The following RGS7BP variants were observed in gnomAD, a reference collection of about 807,000 sequenced individuals.
The protein encoded by RGS7BP is regulator of G protein signaling 7-binding protein.
RGS7BP carries 9 observed loss-of-function variants against 31.3 expected under a neutral mutation model. The observed-to-expected ratio is 0.29, with a 90% CI of 0.17 to 0.50. The LOEUF (loss-of-function observed/expected upper bound fraction) is 0.50. Ranked by LOEUF, RGS7BP falls within the 20% of genes least tolerant of loss-of-function variation. The pLI is 0.98. For missense variants in RGS7BP, 274 were observed against 322.0 expected (o/e 0.85, Z 1.14); for synonymous variants, 115 against 120.1 (o/e 0.96, Z 0.28).
chr5:64,596,974 G>T (rs1743086522), intron 4 of RGS7BP, among the ~76,000 whole-genome samples: 1 of 152,074 alleles, frequency 6.6e-6, no homozygotes, highest in South Asian at 2.1e-4. Flanking sequence ...AAAATAAGTG[G>T]ATAGAATTTC....
intron 4 of RGS7BP, among the ~76,000 whole-genome samples, chr5:64,597,643 AC>A (rs1743109483): frequency 6.6e-6 from 1 of 151,780 alleles, no homozygotes; most frequent in East Asian, 2.0e-4. Flanking sequence ...CTTCAATGAA[AC>A]AACTCAGAAA....
chr5:64,514,528 G>C (rs529203502), intron 2 of RGS7BP, among the ~76,000 whole-genome samples: 2 of 152,276 alleles, frequency 1.3e-5, no homozygotes, highest in East Asian at 1.9e-4. Flanking sequence ...ACTCATGTAA[G>C]GGTAGAGTTT....
chr5:64,517,941 CA>C (rs1410366610), intron 2 of RGS7BP, among the ~76,000 whole-genome samples: 1 of 151,790 alleles, frequency 6.6e-6, no homozygotes, highest in African/African-American at 2.4e-5. Context: ...GTAAATAAAC[CA>C]AAGAAAAAAT....
intron 2 of RGS7BP, among the ~76,000 whole-genome samples, chr5:64,568,663 C>T (rs1287427207): frequency 6.6e-6 from 1 of 151,944 alleles, no homozygotes; most frequent in Non-Finnish European, 1.5e-5. Flanking sequence ...CCCAACTTTC[C>T]CCAGTATTGC....
intron 2 of RGS7BP, among the ~76,000 whole-genome samples, chr5:64,575,030 GT>G (rs984535198): frequency 1.3e-4 from 20 of 151,932 alleles, no homozygotes; most frequent in Non-Finnish European, 1.8e-4. Flanking sequence ...TTATCAACTA[GT>G]TTTTTTCCCC....
chr5:64,579,353 G>A (rs1742522787), intron 3 of RGS7BP, among the ~76,000 whole-genome samples: 1 of 151,994 alleles, frequency 6.6e-6, no homozygotes, highest in African/African-American at 2.4e-5. Flanking sequence ...AGACCAGCCT[G>A]ACCAACATGG....
intron 3 of RGS7BP, among the ~76,000 whole-genome samples, chr5:64,594,365 A>G (rs1053784658): frequency 6.6e-6 from 1 of 151,624 alleles, no homozygotes; most frequent in African/African-American, 2.4e-5. Context: ...AGTAGGTTTC[A>G]CAAGCTAAAT....
At chr5:64,556,717 T>C (rs1213335498) in intron 2 of RGS7BP, among the ~76,000 whole-genome samples, 1 of 152,102 alleles carries the variant, frequency 6.6e-6, no homozygotes, top group East Asian at 1.9e-4. Flanking sequence ...GTCTTTCTCC[T>C]GGCTCCATGT....
intron 2 of RGS7BP, among the ~76,000 whole-genome samples, chr5:64,526,543 T>G (rs1749234930): frequency 6.6e-6 from 1 of 152,148 alleles, no homozygotes; most frequent in South Asian, 2.1e-4. Context: ...GTGAGCACCA[T>G]TTTCCCTAGC....
intron 4 of RGS7BP, among the ~76,000 whole-genome samples, 154 bp from the exon 5 acceptor site, chr5:64,598,211 A>C (rs1357256951): frequency 1.3e-5 from 2 of 152,206 alleles, no homozygotes; most frequent in Non-Finnish European, 2.9e-5. Context: ...TTTCTTGTAA[A>C]AGCAAAATAA....
At chr5:64,535,607 TAGAG>T (rs1262441057) in intron 2 of RGS7BP, among the ~76,000 whole-genome samples, 1 of 152,222 alleles carries the variant, frequency 6.6e-6, no homozygotes, top group East Asian at 1.9e-4. Context: ...TTATCCAACA[TAGAG>T]AGCTTCAATT....
chr5:64,531,944 T>C (rs1749379389), intron 2 of RGS7BP, among the ~76,000 whole-genome samples: 1 of 152,256 alleles, frequency 6.6e-6, no homozygotes, highest in African/African-American at 2.4e-5. Flanking sequence ...TGCTCTATCC[T>C]TTAGTTTCCT....
intron 3 of RGS7BP, among the ~76,000 whole-genome samples, chr5:64,591,401 G>GA (rs936741832): frequency 4.1e-4 from 62 of 152,014 alleles, no homozygotes; most frequent in Admixed American, 9.2e-4. Flanking sequence ...TAAAGGAAAA[G>GA]AAAAATAAAA....
At chr5:64,554,206 C>G (rs1055024834) in intron 2 of RGS7BP, among the ~76,000 whole-genome samples, 6 of 152,112 alleles carry the variant, frequency 3.9e-5, no homozygotes, top group African/African-American at 1.4e-4. Context: ...TCCCGTTTCC[C>G]TCTCTATAAG....
At chr5:64,521,370 C>A (rs916592087) in intron 2 of RGS7BP, among the ~76,000 whole-genome samples, 10 of 152,146 alleles carry the variant, frequency 6.6e-5, no homozygotes, top group African/African-American at 2.2e-4. Flanking sequence ...GATTCTCCTG[C>A]CTCAGCCTCC....
chr5:64,523,037 A>T (rs1399957461), intron 2 of RGS7BP, among the ~76,000 whole-genome samples: 1 of 152,232 alleles, frequency 6.6e-6, no homozygotes, highest in Non-Finnish European at 1.5e-5. Flanking sequence ...GGGCCGAACC[A>T]GTTCTTTGGG....
chr5:64,563,549 C>T (rs1742102681), intron 2 of RGS7BP, among the ~76,000 whole-genome samples: 1 of 152,056 alleles, frequency 6.6e-6, no homozygotes, highest in Non-Finnish European at 1.5e-5. Flanking sequence ...CTTTTATAAG[C>T]CAGAGAACTT....
intron 5 of RGS7BP, among the ~76,000 whole-genome samples, chr5:64,603,133 A>C (rs1337706241): frequency 6.6e-6 from 1 of 152,188 alleles, no homozygotes; most frequent in Non-Finnish European, 1.5e-5. Flanking sequence ...GAAGGAGTCC[A>C]TAAGGAGGCA....
intron 3 of RGS7BP, among the ~76,000 whole-genome samples, chr5:64,593,212 T>A (rs1414877501): frequency 6.6e-6 from 1 of 152,216 alleles, no homozygotes; most frequent in African/African-American, 2.4e-5. Context: ...CCACTATAGG[T>A]TGGTGAAAGG....
Sources: allele counts gnomAD v4.1 joint callset (sites outside exome capture counted in the v4.1 genomes callset), GRCh38; gene constraint gnomAD v4.1.1; transcripts MANE v1.5; gene names NCBI Gene and HGNC (gene_info 2026-07-23, HGNC 2026-07-21).